PHLPP1: variants seen among roughly 807,000 people sequenced by gnomAD.
The protein encoded by PHLPP1 is PH domain leucine-rich repeat-containing protein phosphatase 1.
In PHLPP1, 42 loss-of-function variants were observed where a neutral mutation model predicts 117.2. The ratio of observed to expected loss-of-function variants is 0.36; its 90% CI spans 0.28 to 0.46. The LOEUF (loss-of-function observed/expected upper bound fraction) is 0.46, where lower values mean the gene tolerates loss of function less well. PHLPP1 is among the 20% of genes least tolerant of loss of function. The pLI, the probability that PHLPP1 is intolerant of heterozygous loss-of-function variation, is 1.00. For missense variants in PHLPP1, 2,084 were observed against 2,241.9 expected, an observed-to-expected ratio of 0.93 and a Z score of 1.42; for synonymous variants, 1,042 against 970.7, an observed-to-expected ratio of 1.07 and a Z score of -1.37.
chr18:62,843,422 T>C (rs1053301269), intron 3 of PHLPP1, among the ~76,000 whole-genome samples: 1 of 152,220 alleles, frequency 6.6e-6, no homozygotes, highest in African/African-American at 2.4e-5. Flanking sequence ...GAAATGTTAT[T>C]TTTTGTTCTA....
chr18:62,916,656 G>C (rs959050376), intron 9 of PHLPP1, among the ~76,000 whole-genome samples: 1 of 147,396 alleles, frequency 6.8e-6, no homozygotes, highest in East Asian at 2.0e-4. Flanking sequence ...TTTAGTAGAG[G>C]AACAGGAAAA....
chr18:62,846,386 C>T (rs1915184389), intron 3 of PHLPP1, among the ~76,000 whole-genome samples: 1 of 151,918 alleles, frequency 6.6e-6, no homozygotes, highest in Admixed American at 6.6e-5. Flanking sequence ...AGGAAGACTT[C>T]AAGGAGGCAG....
At chr18:62,860,638 G>C (rs779428105) in intron 4 of PHLPP1, 37 bp downstream of exon 4, 1 of 1,549,544 alleles carries the variant, frequency 6.5e-7, no homozygotes, top group East Asian at 2.3e-5. Flanking sequence ...TTAGGAAGGG[G>C]TGGGGGCAGA....
At chr18:62,734,759 A>G (rs1202554842) in intron 1 of PHLPP1, among the ~76,000 whole-genome samples, 2 of 152,198 alleles carry the variant, frequency 1.3e-5, no homozygotes, top group Admixed American at 6.5e-5. Context: ...AATAACACCT[A>G]TTTGCCCTCT....
chr18:62,868,438 A>G (rs905167708), intron 4 of PHLPP1, among the ~76,000 whole-genome samples: 4 of 152,136 alleles, frequency 2.6e-5, no homozygotes, highest in Non-Finnish European at 4.4e-5. Flanking sequence ...CCTGGCCAAC[A>G]TGGTGAAACC....
In PHLPP1 at chr18:62,766,076, A is replaced by AAAAAATATATATATATATAT; in HGVS notation, c.1576+48818_1576+48819insAAAATATATATATATATATA. Among the ~76,000 whole-genome samples, 14 of 21,658 alleles carry AAAAAATATATATATATATAT rather than the reference A, an allele frequency of 6.5e-4. 1 individual carries two copies. Among genetic ancestry groups the AAAAAATATATATATATATAT allele is most frequent in the East Asian group, 3.3e-3 (1 of 302 alleles). The allele number at this position is 21,658 out of a possible 152,430, so 14.2% of individuals were successfully genotyped here. On this transcript the variant is annotated intron_variant, in intron 1 of 16. Coordinates refer to ENST00000262719, the MANE Select transcript of PHLPP1 (RefSeq NM_194449.4). The stretch of plus-strand genomic sequence containing the variant: ...ACTCCATCTCAAAAAAAAAAAAAAA[A>AAAAAATATATATATATATAT]ATATATATATATATATATATATATA...
At position 62,881,384 on chromosome 18, in the gene PHLPP1, G is replaced by GA. The variant is rs1916171567; in HGVS notation, c.2067-13622dup. 3.3e-5 allele frequency among the ~76,000 whole-genome samples: 5 copies of GA among 152,024 alleles called. No individual in the cohort carries two copies. The South Asian group carries it at 1.0e-3, about 32-fold the overall frequency. On this transcript the variant is annotated intron_variant, in intron 4 of 16. Coordinates refer to ENST00000262719, the MANE Select transcript of PHLPP1 (RefSeq NM_194449.4). ...CTTTATTTCTTTGATTATTACTTTTGAAAAATTATGAGTTTTAGCTTTGGT... is the reference window on the plus strand; with the variant it reads ...CTTTATTTCTTTGATTATTACTTTTGAAAAAATTATGAGTTTTAGCTTTGGT...
intron 1 of PHLPP1, among the ~76,000 whole-genome samples, chr18:62,766,076 A>AAAAAAAAAAATATATATATATATATAT: frequency 9.2e-5 from 2 of 21,644 alleles, no homozygotes; most frequent in Non-Finnish European, 1.7e-4. Flanking sequence ...AAAAAAAAAA[A>AAAAAAAAAAATATATATATATATATAT]ATATATATAT....
chr18:62,934,005 G>A, intron 10 of PHLPP1, among the ~76,000 whole-genome samples: 1 of 152,260 alleles, frequency 6.6e-6, no homozygotes, highest in Non-Finnish European at 1.5e-5. Flanking sequence ...TCAGAGAAAT[G>A]CAAGTTACAG....
intron 4 of PHLPP1, among the ~76,000 whole-genome samples, chr18:62,869,191 G>A (rs1915840487): frequency 6.6e-6 from 1 of 151,972 alleles, no homozygotes; most frequent in Non-Finnish European, 1.5e-5. Context: ...ATGAAGGGCC[G>A]AAGAAAGCAG....
At chr18:62,826,316 G>T in intron 1 of PHLPP1, 2 of 370,830 alleles carry the variant, frequency 5.4e-6, no homozygotes, top group Non-Finnish European at 1.1e-5. Context: ...CTGACCTTGG[G>T]GAATGACTTA....
At chr18:62,879,643 C>T (rs1314473962) in intron 4 of PHLPP1, among the ~76,000 whole-genome samples, 1 of 152,066 alleles carries the variant, frequency 6.6e-6, no homozygotes, top group East Asian at 1.9e-4. Flanking sequence ...CTCCTGACCT[C>T]GTGATCTGCC....
intron 1 of PHLPP1, among the ~76,000 whole-genome samples, chr18:62,723,520 C>T (rs1243840908): frequency 2.0e-5 from 3 of 152,174 alleles, no homozygotes; most frequent in Non-Finnish European, 4.4e-5. Flanking sequence ...TTGTTGCTCT[C>T]TATTTCTTCT....
chr18:62,839,730 ATATATATG>A (rs1915003676), intron 3 of PHLPP1: 1 of 146,570 alleles, frequency 6.8e-6, no homozygotes, highest in Non-Finnish European at 1.5e-5. Context: ...AAAAAAATAT[ATATATATG>A]TATATATATA....
chr18:62,731,700 CACAA>C lies in PHLPP1; in HGVS notation c.1576+14445_1576+14448del, dbSNP rs566224503. Reference sequence around the variant, plus strand: ...AGGCCAAAAGCTAGTTCTCCTGTGCCACAAACAGTTAACCAAGTTGCAAATGCAA... The same window carrying C: ...AGGCCAAAAGCTAGTTCTCCTGTGCCACAGTTAACCAAGTTGCAAATGCAA... On this transcript the variant is annotated intron_variant, in intron 1 of 16. Transcript: ENST00000262719. 3.3e-5 allele frequency among the ~76,000 whole-genome samples: 5 copies of C among 152,302 alleles called. No individual in the cohort carries two copies. The East Asian group carries it at 7.7e-4, about 24-fold the overall frequency.
intron 4 of PHLPP1, among the ~76,000 whole-genome samples, chr18:62,872,602 G>T (rs1454110340): frequency 6.6e-6 from 1 of 152,092 alleles, no homozygotes; most frequent in Non-Finnish European, 1.5e-5. Flanking sequence ...TGAGGCAGGA[G>T]AATCGCTTGA....
At chr18:62,958,536 A>G in intron 12 of PHLPP1, 93 bp from the exon 13 acceptor site, 3 of 1,223,238 alleles carry the variant, frequency 2.5e-6, no homozygotes, top group Non-Finnish European at 1.2e-6. Context: ...ATGAATGGTC[A>G]GACTGATTTG....
intron 1 of PHLPP1, among the ~76,000 whole-genome samples, chr18:62,806,998 A>T (rs998965314): frequency 1.3e-5 from 2 of 152,150 alleles, no homozygotes; most frequent in Non-Finnish European, 2.9e-5. Flanking sequence ...TAGTTTAAAA[A>T]TTTTTTATAA....
chr18:62,890,891 C>T (rs916564673), intron 4 of PHLPP1, among the ~76,000 whole-genome samples: 2 of 152,024 alleles, frequency 1.3e-5, no homozygotes, highest in Non-Finnish European at 2.9e-5. Flanking sequence ...AATTTTAAAA[C>T]TGGCCCATTC....
Sources: gnomAD v4.1 joint callset for allele counts (sites outside exome capture counted in the v4.1 genomes callset) on GRCh38, gnomAD v4.1.1 for gene constraint, MANE v1.5 for transcripts, NCBI Gene and HGNC (gene_info 2026-07-23, HGNC 2026-07-21) for gene names.